The following MYH9 variants were observed in gnomAD, a reference collection of about 807,000 sequenced individuals.
MYH9 encodes the protein myosin-9.
Under a neutral mutation model 241.9 loss-of-function variants are expected in MYH9, and 29 were observed. That is an observed-to-expected ratio of 0.12 (90% confidence interval 0.09 to 0.16). The LOEUF is 0.16. MYH9 is among the 10% of genes least tolerant of loss of function. The pLI is 1.00. For missense variants in MYH9, 1,803 were observed against 2,595.5 expected, an observed-to-expected ratio of 0.69 and a Z score of 6.63; for synonymous variants, 1,047 against 1,062.6, an observed-to-expected ratio of 0.99 and a Z score of 0.29.
At chr22:36,367,389 G>A (rs972894140) in intron 1 of MYH9, among the ~76,000 whole-genome samples, 13 of 152,272 alleles carry the variant, frequency 8.5e-5, no homozygotes, top group Admixed American at 1.3e-4. Context: ...CCCTTGCTCC[G>A]GTTCTCAAAT....
At position 36,281,493 on chromosome 22, in the gene MYH9, G is replaced by A. The variant is rs1043580254; in HGVS notation, c.*1175C>T. The stretch of plus-strand genomic sequence containing the variant: ...GCTTTTATATCACTTCATGATTTGA[G>A]AGTTTGTTTCCTTTAAAAAAAAAAA... On this transcript the variant is annotated 3_prime_UTR_variant, in exon 41 of 41. Transcript: ENST00000216181. 8.8e-6 allele frequency: 2 copies of A among 226,040 alleles called. No individual in the cohort carries two copies. Among genetic ancestry groups the A allele is most frequent in the Non-Finnish European group, 1.7e-5 (2 of 114,526 alleles). The allele number at this position is 226,040 out of a possible 1,614,324, so 14.0% of individuals were successfully genotyped here.
chr22:36,290,787 C>T (rs969090374), intron 31 of MYH9, among the ~76,000 whole-genome samples: 142 of 151,778 alleles, frequency 9.4e-4, no homozygotes, highest in African/African-American at 3.3e-3. Context: ...TGGGGAGCGC[C>T]TCTGCCCCGC....
Position 36,281,861 on chromosome 22 carries a change from C to T in MYH9, c.*807G>A, listed in dbSNP as rs2016494742. The T allele has an allele frequency of 4.3e-6, 1 of 231,212 alleles. No homozygotes were observed. The highest frequency in any genetic ancestry group is 5.6e-5 in the Admixed American group (1 of 17,736). The allele number at this position is 231,212 out of a possible 1,614,324, so 14.3% of individuals were successfully genotyped here. A position where few individuals can be genotyped will look rare whatever the true frequency, so the allele number is the denominator to read the frequency against. ...GTCAGACTTGGGACAAGTCCCTTAA[C>T]CATTAAATATATTTGGTCCCCAAGA... is the stretch of plus-strand genomic sequence containing the variant. On this transcript the variant is annotated 3_prime_UTR_variant, in exon 41 of 41. Coordinates refer to ENST00000216181, the MANE Select transcript of MYH9 (RefSeq NM_002473.6).
chr22:36,293,801 G>C lies in MYH9; in HGVS notation c.3900C>G (p.Thr1300=). The change falls in exon 29 of 41, where the codon ACC becomes ACG. Residue 1300 remains threonine (T), a synonymous_variant. Transcript: ENST00000216181. The surrounding 1 kb of genome is among the most constrained non-coding windows in gnomAD (Gnocchi z 5.1). ...SQSDSKSSKL[T]KDFSALESQL... ...GGGACTCCAGCGCGGAGAAGTCCTT[G>C]GTGAGCTTGCTGGACTTGCTGTCGG... 6.2e-7 allele frequency: 1 copy of C among 1,613,934 alleles called. No individual in the cohort carries two copies. Among genetic ancestry groups the C allele is most frequent in the Non-Finnish European group, 8.5e-7 (1 of 1,180,016 alleles).
chr22:36,314,685 G>A (rs2017122969), intron 12 of MYH9, among the ~76,000 whole-genome samples: 1 of 150,640 alleles, frequency 6.6e-6, no homozygotes, highest in African/African-American at 2.4e-5. Flanking sequence ...GTCTCATTCT[G>A]TCACCCAGGC....
At chr22:36,304,745 G>T (rs936000233) in intron 18 of MYH9, among the ~76,000 whole-genome samples, 1 of 152,234 alleles carries the variant, frequency 6.6e-6, no homozygotes, top group Admixed American at 6.5e-5. Context: ...CAAGAAAGCA[G>T]GAGAATGTCC....
chr22:36,379,386 G>A (rs901518163), intron 1 of MYH9, among the ~76,000 whole-genome samples: 3 of 152,320 alleles, frequency 2.0e-5, no homozygotes, highest in African/African-American at 4.8e-5. Flanking sequence ...GCGGGTGCCT[G>A]TAGTCCCAGC....
In MYH9 at chr22:36,320,535, A is replaced by C; in HGVS notation, c.869-172T>G. On this transcript the variant is annotated intron_variant, in intron 8 of 40. Transcript: ENST00000216181. The surrounding 1 kb of genome is among the most constrained non-coding windows in gnomAD (Gnocchi z 4.8). ...GCTTTCCTCAGTGTCTGAGACTCTGACACTCCCGTCTCCTGGCCCAGGAGA... is the reference window on the plus strand; with the variant it reads ...GCTTTCCTCAGTGTCTGAGACTCTGCCACTCCCGTCTCCTGGCCCAGGAGA... Among the ~76,000 whole-genome samples the C allele has an allele frequency of 6.6e-6, 1 of 152,132 alleles. No homozygotes were observed. Among genetic ancestry groups the C allele is most frequent in the Non-Finnish European group, 1.5e-5 (1 of 68,016 alleles).
intron 1 of MYH9, among the ~76,000 whole-genome samples, chr22:36,368,870 T>C (rs2018050406): frequency 1.5e-5 from 2 of 137,314 alleles, no homozygotes; most frequent in South Asian, 4.8e-4. Flanking sequence ...CGATAGAGCA[T>C]CACATTCTTC....
At chr22:36,367,225 G>A (rs2018024626) in intron 1 of MYH9, among the ~76,000 whole-genome samples, 2 of 152,182 alleles carry the variant, frequency 1.3e-5, no homozygotes, top group South Asian at 4.1e-4. Context: ...TCTCGCTGAG[G>A]AAGCAAAGCT....
chr22:36,354,956 A>AACACACAC (rs136203), intron 1 of MYH9, among the ~76,000 whole-genome samples: 9,890 of 123,580 alleles, frequency 0.08, 660 homozygotes, highest in East Asian at 0.2. Flanking sequence ...CAAAAAACAA[A>AACACACAC]ACACACACAC....
chr22:36,293,959 A>G lies in MYH9; in HGVS notation c.3838-96T>C, dbSNP rs938558900. 3.6e-5 allele frequency: 53 copies of G among 1,463,870 alleles called. No individual in the cohort carries two copies. Among genetic ancestry groups the G allele is most frequent in the Middle Eastern group, 1.9e-4 (1 of 5,154 alleles). 90.7% of individuals were successfully genotyped at this position (1,463,870 alleles called of 1,614,324 possible). A position where few individuals can be genotyped will look rare whatever the true frequency, so the allele number is the denominator to read the frequency against. On this transcript the variant is annotated intron_variant, in intron 28 of 40. Coordinates refer to ENST00000216181, the MANE Select transcript of MYH9 (RefSeq NM_002473.6). The surrounding 1 kb of genome is among the most constrained non-coding windows in gnomAD (Gnocchi z 5.1). ...TAGGTAAAGCTGGACCTGAGTCACA[A>G]GCTGAACCATGAGGGTCTGAGGAGC...
rs1419475352 is a variant in MYH9 at position 36,281,520 on chromosome 22, T to A, written c.*1148A>T. 2 of 224,554 alleles carry A rather than the reference T, an allele frequency of 8.9e-6. No individual in the cohort carries two copies. Among genetic ancestry groups the A allele is most frequent in the African/African-American group, 4.5e-5 (2 of 44,204 alleles). The allele number at this position is 224,554 out of a possible 1,614,324, so 13.9% of individuals were successfully genotyped here. ...GTTTGTTTCCTTTAAAAAAAAAAAATGCCTTCTTGCCGTAAGTCTCAATGC... is the reference window on the plus strand; with the variant it reads ...GTTTGTTTCCTTTAAAAAAAAAAAAAGCCTTCTTGCCGTAAGTCTCAATGC... On this transcript the variant is annotated 3_prime_UTR_variant, in exon 41 of 41. Transcript: ENST00000216181.
chr22:36,283,676 A>C (rs1327755114), intron 40 of MYH9, among the ~76,000 whole-genome samples: 2 of 152,264 alleles, frequency 1.3e-5, no homozygotes, highest in African/African-American at 2.4e-5. Context: ...AGAATCTCAG[A>C]GAATAAGATC....
chr22:36,302,290 A>C (rs1248740402), intron 20 of MYH9: 5 of 380,584 alleles, frequency 1.3e-5, no homozygotes, highest in African/African-American at 1.0e-4. Flanking sequence ...AAAAATAAAG[A>C]GATTTTTTTT....
At chr22:36,364,222 A>G (rs984045011) in intron 1 of MYH9, among the ~76,000 whole-genome samples, 17 of 152,172 alleles carry the variant, frequency 1.1e-4, no homozygotes, top group African/African-American at 3.9e-4. Flanking sequence ...CACACAAAAA[A>G]AGCGAATGAA....
intron 11 of MYH9, 125 bp from the exon 12 acceptor site, chr22:36,316,794 G>GAAAA: frequency 1.3e-6 from 1 of 797,266 alleles, no homozygotes; most frequent in African/African-American, 1.8e-5. Context: ...GTATGTGGGG[G>GAAAA]AAAAAAAAAA....
chr22:36,346,607 T>C (rs1360716783), intron 2 of MYH9, among the ~76,000 whole-genome samples: 3 of 152,152 alleles, frequency 2.0e-5, no homozygotes, highest in African/African-American at 7.2e-5. Context: ...TAATCTTTTT[T>C]CTTTTTTTTG....
intron 5 of MYH9, among the ~76,000 whole-genome samples, chr22:36,324,587 G>A (rs1051487345): frequency 2.0e-5 from 3 of 152,274 alleles, no homozygotes; most frequent in Middle Eastern, 3.2e-3. Context: ...CTCTGCTGGT[G>A]TTGGGAGGGT....
Sources: allele counts gnomAD v4.1 joint callset (sites outside exome capture counted in the v4.1 genomes callset), GRCh38; gene constraint gnomAD v4.1.1; non-coding constraint Gnocchi (gnomAD v3.1); transcripts MANE v1.5; gene names NCBI Gene and HGNC (gene_info 2026-07-23, HGNC 2026-07-21).